LRFN2: variants seen among roughly 807,000 people sequenced by gnomAD.
The protein encoded by LRFN2 is leucine rich repeat and fibronectin type III domain containing 2.
LRFN2 carries 18 observed loss-of-function variants against 37.3 expected under a neutral mutation model. The ratio of observed to expected loss-of-function variants is 0.48; its 90% CI spans 0.33 to 0.72. The LOEUF is 0.72. Ranked by LOEUF, LRFN2 falls within the 30% of genes least tolerant of loss-of-function variation. LRFN2 has a pLI of 0.02. For missense variants in LRFN2, 1,006 were observed against 1,060.7 expected (o/e 0.95, Z 0.72); for synonymous variants, 556 against 466.6 (o/e 1.19, Z -2.47).
intron 1 of LRFN2, among the ~76,000 whole-genome samples, chr6:40,562,835 T>TCACACACACACACA (rs773357501): frequency 1.6e-5 from 2 of 125,630 alleles, no homozygotes; most frequent in Non-Finnish European, 3.5e-5. Flanking sequence ...GTGCACTCAC[T>TCACACACACACACA]CACACACACA....
chr6:40,559,575 C>T (rs1766955256), intron 1 of LRFN2, among the ~76,000 whole-genome samples: 1 of 152,068 alleles, frequency 6.6e-6, no homozygotes, highest in South Asian at 2.1e-4. Flanking sequence ...ACCGAGGGGG[C>T]TACCTGGCCC....
Position 40,575,066 on chromosome 6 carries a change from G to A in LRFN2, c.-19+11875C>T, listed in dbSNP as rs1338295605. 3.9e-5 allele frequency among the ~76,000 whole-genome samples: 6 copies of A among 152,170 alleles called. No individual in the cohort carries two copies. The East Asian group carries it at 9.6e-4, about 24-fold the overall frequency. On this transcript the variant is annotated intron_variant, in intron 1 of 2. Transcript: ENST00000338305. ...AGGATGATGGAGGAAGTGAGGATGT[G>A]AGGATCTGGAGAGGAAGGACTCCTC...
intron 1 of LRFN2, among the ~76,000 whole-genome samples, chr6:40,561,244 G>T (rs930343853): frequency 6.6e-6 from 1 of 152,210 alleles, no homozygotes; most frequent in African/African-American, 2.4e-5. Flanking sequence ...GAACAGAAAA[G>T]AAAAGACAGA....
At chr6:40,524,905 G>A (rs904809575) in intron 1 of LRFN2, among the ~76,000 whole-genome samples, 1 of 152,184 alleles carries the variant, frequency 6.6e-6, no homozygotes, top group Non-Finnish European at 1.5e-5. Flanking sequence ...TTTATTTCCT[G>A]TTAGAAAGAA....
chr6:40,420,334 C>T (rs1270581292), intron 2 of LRFN2, among the ~76,000 whole-genome samples: 1 of 152,242 alleles, frequency 6.6e-6, no homozygotes, highest in Non-Finnish European at 1.5e-5. Context: ...CTGTCACCCA[C>T]AGGGTGCCCA....
chr6:40,397,995 A>C (rs546810298), intron 2 of LRFN2, among the ~76,000 whole-genome samples: 16 of 151,920 alleles, frequency 1.1e-4, no homozygotes, highest in Non-Finnish European at 2.2e-4. Context: ...TATTTCTGGT[A>C]ACTTAGTTCT....
chr6:40,473,315 G>A (rs1010075505), intron 1 of LRFN2, among the ~76,000 whole-genome samples: 1 of 152,178 alleles, frequency 6.6e-6, no homozygotes, highest in African/African-American at 2.4e-5. Flanking sequence ...CCGAAAAGGA[G>A]ACAGCGTGTG....
intron 1 of LRFN2, among the ~76,000 whole-genome samples, chr6:40,467,202 TG>T (rs1375655304): frequency 6.7e-6 from 1 of 150,338 alleles, no homozygotes; most frequent in East Asian, 1.9e-4. Context: ...ATGATGATGA[TG>T]ATGATGTGTG....
chr6:40,520,701 G>T (rs1338521721), intron 1 of LRFN2, among the ~76,000 whole-genome samples: 3 of 152,136 alleles, frequency 2.0e-5, no homozygotes, highest in African/African-American at 4.8e-5. Context: ...CTGGAGGCTG[G>T]TGCAGGCTGC....
intron 1 of LRFN2, 43 bp downstream of exon 1, chr6:40,586,898 G>A (rs1313008173): frequency 1.3e-5 from 2 of 152,238 alleles, no homozygotes; most frequent in Admixed American, 1.3e-4. Context: ...GAGCTCCCGC[G>A]GACACCCGGG....
At chr6:40,419,435 C>T (rs567138852) in intron 2 of LRFN2, among the ~76,000 whole-genome samples, 1 of 152,302 alleles carries the variant, frequency 6.6e-6, no homozygotes, top group South Asian at 2.1e-4. Flanking sequence ...GGATGAGATA[C>T]ACAGAGAAGA....
chr6:40,461,802 G>A (rs75913262), intron 1 of LRFN2, among the ~76,000 whole-genome samples: 17,214 of 152,116 alleles, frequency 0.11, 1,237 homozygotes, highest in East Asian at 0.17. Flanking sequence ...TTTAGTAGCA[G>A]CAATGAGAGA....
intron 1 of LRFN2, among the ~76,000 whole-genome samples, chr6:40,456,500 C>T (rs1200612503): frequency 6.6e-6 from 1 of 152,176 alleles, no homozygotes; most frequent in Non-Finnish European, 1.5e-5. Flanking sequence ...TCACTGATCT[C>T]TTTGAATCTT....
At chr6:40,426,085 C>T (rs899610981) in intron 2 of LRFN2, among the ~76,000 whole-genome samples, 2 of 152,142 alleles carry the variant, frequency 1.3e-5, no homozygotes, top group African/African-American at 4.8e-5. Flanking sequence ...TGACCCCAGG[C>T]CCTGGAGCTT....
At chr6:40,491,999 G>C (rs1344126900) in intron 1 of LRFN2, among the ~76,000 whole-genome samples, 1 of 125,072 alleles carries the variant, frequency 8.0e-6, no homozygotes, top group African/African-American at 3.2e-5. Context: ...ACTGTGGGTA[G>C]GTAGGCAGCT....
At chr6:40,493,299 T>C (rs1006930894) in intron 1 of LRFN2, among the ~76,000 whole-genome samples, 4 of 152,158 alleles carry the variant, frequency 2.6e-5, no homozygotes, top group African/African-American at 9.7e-5. Flanking sequence ...CATTGCTCTG[T>C]ACTTGGAGTC....
At chr6:40,422,074 G>T (rs1204241764) in intron 2 of LRFN2, among the ~76,000 whole-genome samples, 3 of 152,114 alleles carry the variant, frequency 2.0e-5, no homozygotes, top group Admixed American at 6.5e-5. Flanking sequence ...CAGCTGAGGG[G>T]TAAAAAAAAT....
chr6:40,542,387 A>C (rs1217980417), intron 1 of LRFN2, among the ~76,000 whole-genome samples: 2 of 152,068 alleles, frequency 1.3e-5, no homozygotes, highest in African/African-American at 2.4e-5. Context: ...AGGAGGGATG[A>C]ACTCAGGAAG....
intron 1 of LRFN2, among the ~76,000 whole-genome samples, chr6:40,585,453 T>G (rs1257187066): frequency 2.0e-5 from 3 of 152,202 alleles, no homozygotes; most frequent in Admixed American, 2.0e-4. Context: ...TTCTGAATCC[T>G]CCCTACAGGA....
Sources: gnomAD v4.1 joint callset for allele counts (sites outside exome capture counted in the v4.1 genomes callset) on GRCh38, gnomAD v4.1.1 for gene constraint, MANE v1.5 for transcripts, NCBI Gene and HGNC (gene_info 2026-07-23, HGNC 2026-07-21) for gene names.